The following UNC13C variants were observed in gnomAD, a reference collection of about 807,000 sequenced individuals.
UNC13C encodes protein unc-13 homolog C.
In UNC13C, 174 loss-of-function variants were observed where a neutral mutation model predicts 245.4. The observed-to-expected ratio is 0.71, with a 90% CI of 0.63 to 0.80. The LOEUF (loss-of-function observed/expected upper bound fraction) is 0.80, where lower values mean the gene tolerates loss of function less well. Among genes scored for constraint, UNC13C ranks in the 30% least tolerant of loss-of-function variants. The probability of loss-of-function intolerance (pLI) is 0.00; values close to 1 mark genes in which losing one functional copy is unlikely to be tolerated. For synonymous variants in UNC13C, 992 were observed against 895.1 expected (o/e 1.11, Z -1.93); for missense variants, 2,829 against 2,602.9 (o/e 1.09, Z -1.89).
At chr15:54,557,304 C>T (rs2141200780) in intron 29 of UNC13C, among the ~76,000 whole-genome samples, 1 of 152,008 alleles carries the variant, frequency 6.6e-6, no homozygotes, top group South Asian at 2.1e-4. Flanking sequence ...CTCTAGGCAC[C>T]TCCATGCTAG....
chr15:54,457,284 A>T (rs549264550), intron 19 of UNC13C, among the ~76,000 whole-genome samples: 11 of 152,150 alleles, frequency 7.2e-5, no homozygotes, highest in African/African-American at 2.6e-4. Context: ...GATAGCTAGT[A>T]TTTTGTTAAG....
chr15:54,289,507 C>CT (rs1442879631), intron 10 of UNC13C, among the ~76,000 whole-genome samples: 1 of 152,064 alleles, frequency 6.6e-6, no homozygotes, highest in African/African-American at 2.4e-5. Context: ...TTTTTAGACT[C>CT]TGTTACTTGC....
At chr15:54,439,878 G>C (rs887040293) in intron 19 of UNC13C, among the ~76,000 whole-genome samples, 1 of 151,872 alleles carries the variant, frequency 6.6e-6, no homozygotes, top group Non-Finnish European at 1.5e-5. Flanking sequence ...TTGAACATTA[G>C]AACTTATTTC....
At chr15:54,095,154 C>T (rs927830952) in intron 2 of UNC13C, among the ~76,000 whole-genome samples, 4 of 152,290 alleles carry the variant, frequency 2.6e-5, no homozygotes, top group East Asian at 1.9e-4. Context: ...CACCATCCAC[C>T]CCAGCAGGCA....
intron 17 of UNC13C, among the ~76,000 whole-genome samples, chr15:54,369,221 A>AC (rs2039434920): frequency 6.6e-6 from 1 of 151,166 alleles, no homozygotes; most frequent in African/African-American, 2.4e-5. Flanking sequence ...GTTGAATGCT[A>AC]GAGGACATCA....
chr15:54,347,448 A>G (rs552539802), intron 17 of UNC13C, among the ~76,000 whole-genome samples: 4 of 152,302 alleles, frequency 2.6e-5, no homozygotes, highest in Admixed American at 2.6e-4. Flanking sequence ...TTGAATGACT[A>G]CCTAAGAAAA....
the UNC13C span, among the ~76,000 whole-genome samples, chr15:53,970,489 A>G: frequency 6.6e-6 from 1 of 152,210 alleles, no homozygotes; most frequent in African/African-American, 2.4e-5. Context: ...TGTGAATAAT[A>G]TGGCATTGAG....
At chr15:54,384,089 C>A (rs890142064) in intron 17 of UNC13C, among the ~76,000 whole-genome samples, 3 of 152,048 alleles carry the variant, frequency 2.0e-5, no homozygotes, top group Admixed American at 2.0e-4. Context: ...CTACCCAAAG[C>A]AATCTATGGA....
chr15:54,352,401 G>A (rs904059926), intron 17 of UNC13C, among the ~76,000 whole-genome samples: 2 of 149,334 alleles, frequency 1.3e-5, no homozygotes, highest in Non-Finnish European at 3.0e-5. Flanking sequence ...GAATATTATT[G>A]GTCATAATTG....
chr15:53,998,295 A>G (rs1229091778), intron 1 of UNC13C, among the ~76,000 whole-genome samples: 1 of 152,190 alleles, frequency 6.6e-6, no homozygotes, highest in Non-Finnish European at 1.5e-5. Context: ...ATCATATATT[A>G]TCTCTTTAGT....
At chr15:53,943,994 G>C in the UNC13C span, among the ~76,000 whole-genome samples, 23 of 151,832 alleles carry the variant, frequency 1.5e-4, no homozygotes, top group African/African-American at 4.8e-4. Context: ...TTTACTTTTA[G>C]TGTGCATATA....
chr15:54,370,563 A>T (rs1231243132), intron 17 of UNC13C, among the ~76,000 whole-genome samples: 1 of 152,136 alleles, frequency 6.6e-6, no homozygotes, highest in Non-Finnish European at 1.5e-5. Context: ...GCTAATTCAC[A>T]TTGAATTGCC....
chr15:54,341,370 C>T (rs531306360), intron 17 of UNC13C, among the ~76,000 whole-genome samples: 2 of 152,116 alleles, frequency 1.3e-5, no homozygotes, highest in Non-Finnish European at 2.9e-5. Context: ...AAACTAAATA[C>T]TGCATATTCT....
At chr15:54,566,915 G>A (rs1415677714) in intron 29 of UNC13C, among the ~76,000 whole-genome samples, 1 of 152,076 alleles carries the variant, frequency 6.6e-6, no homozygotes. Context: ...ACTAGTGAGT[G>A]CTTTGTTTCC....
chr15:54,459,333 C>T (rs924295257), intron 19 of UNC13C, among the ~76,000 whole-genome samples: 1 of 152,138 alleles, frequency 6.6e-6, no homozygotes, highest in Non-Finnish European at 1.5e-5. Flanking sequence ...AAGATTCTTT[C>T]CTTCATCTTG....
intron 10 of UNC13C, among the ~76,000 whole-genome samples, chr15:54,282,625 GC>G (rs1255418580): frequency 6.6e-6 from 1 of 152,158 alleles, no homozygotes; most frequent in Non-Finnish European, 1.5e-5. Flanking sequence ...TTGGCCCCTT[GC>G]CTCATCATGT....
At chr15:54,221,265 A>T (rs982761938) in intron 4 of UNC13C, among the ~76,000 whole-genome samples, 1 of 152,086 alleles carries the variant, frequency 6.6e-6, no homozygotes. Context: ...TAAAATAATG[A>T]AGAGAGATGG....
chr15:54,559,415 A>G (rs758192635), intron 29 of UNC13C, among the ~76,000 whole-genome samples: 1 of 151,964 alleles, frequency 6.6e-6, no homozygotes, highest in Non-Finnish European at 1.5e-5. Flanking sequence ...TTTCACCATT[A>G]CAAGTATAGC....
intron 13 of UNC13C, chr15:54,321,318 G>T: frequency 2.1e-6 from 1 of 471,096 alleles, no homozygotes; most frequent in South Asian, 1.6e-5. Flanking sequence ...ATAATCTCTT[G>T]GGTGATGTCC....
Sources: allele counts gnomAD v4.1 joint callset (sites outside exome capture counted in the v4.1 genomes callset), GRCh38; gene constraint gnomAD v4.1.1; transcripts MANE v1.5; gene names NCBI Gene and HGNC (gene_info 2026-07-23, HGNC 2026-07-21).